The following HACD1 variants were observed in gnomAD, a reference collection of about 807,000 sequenced individuals.
HACD1 encodes the protein very-long-chain (3R)-3-hydroxyacyl-CoA dehydratase 1.
In HACD1, 41 loss-of-function variants were observed where a neutral mutation model predicts 32.0. That is an observed-to-expected ratio of 1.28 (90% CI 1.00 to 1.66). HACD1 has a LOEUF of 1.66. Among genes scored for constraint, HACD1 ranks in the 40% most tolerant of loss-of-function variants. HACD1 has a pLI of 0.00. For synonymous variants in HACD1, 142 were observed against 139.0 expected (o/e 1.02, Z -0.15); for missense variants, 396 against 380.1 (o/e 1.04, Z -0.35).
chr10:17,604,772 C>T (rs1834122639), intron 1 of HACD1, among the ~76,000 whole-genome samples: 1 of 152,230 alleles, frequency 6.6e-6, no homozygotes, highest in Non-Finnish European at 1.5e-5. Context: ...GTGGCGCAGT[C>T]TTGCCTCACT....
chr10:17,607,000 C>T (rs1198096524), intron 1 of HACD1, among the ~76,000 whole-genome samples: 16 of 152,166 alleles, frequency 1.1e-4, no homozygotes, highest in African/African-American at 3.9e-4. Flanking sequence ...AGCCACTATG[C>T]TGTGTCGGTC....
chr10:17,594,867 G>GTT (rs1179834368), intron 5 of HACD1, among the ~76,000 whole-genome samples: 1 of 139,706 alleles, frequency 7.2e-6, no homozygotes, highest in African/African-American at 2.7e-5. Flanking sequence ...TTTGTTTTTT[G>GTT]TTTTTTTTTG....
intron 1 of HACD1, among the ~76,000 whole-genome samples, chr10:17,608,614 G>A (rs575069906): frequency 1.3e-5 from 2 of 151,868 alleles, no homozygotes; most frequent in Non-Finnish European, 2.9e-5. Context: ...AGCCTCCCAA[G>A]TGGCTGGGAT....
chr10:17,595,277 C>T (rs1242952785), intron 5 of HACD1, among the ~76,000 whole-genome samples: 1 of 152,080 alleles, frequency 6.6e-6, no homozygotes, highest in African/African-American at 2.4e-5. Flanking sequence ...TTAAAAAGAC[C>T]AGTGATTATC....
chr10:17,592,063 C>G (rs1554815624), intron 6 of HACD1, among the ~76,000 whole-genome samples: 10 of 142,132 alleles, frequency 7.0e-5, no homozygotes, highest in Non-Finnish European at 1.5e-5. Flanking sequence ...CTCACTGCAA[C>G]CTCTGCCTCC....
chr10:17,613,543 C>T (rs1001100909), intron 1 of HACD1, among the ~76,000 whole-genome samples: 10 of 152,190 alleles, frequency 6.6e-5, no homozygotes, highest in African/African-American at 2.2e-4. Context: ...TGTCTACTCT[C>T]TATGTATGCA....
intron 1 of HACD1, among the ~76,000 whole-genome samples, chr10:17,614,473 T>C (rs1554817805): frequency 8.3e-6 from 1 of 120,182 alleles, no homozygotes; most frequent in African/African-American, 3.2e-5. Context: ...GCTAGGCTGG[T>C]CTCAGGCGAT....
rs777273964 is a variant in HACD1, at chr10:17,589,837, A to G, written c.*527T>C. Reference sequence around the variant, plus strand: ...GTTTTTATGCTGCTACTTTATCTACATCAAAAGTCTTACTTTAGCAAATTA... The same window carrying G: ...GTTTTTATGCTGCTACTTTATCTACGTCAAAAGTCTTACTTTAGCAAATTA... On this transcript the variant is annotated 3_prime_UTR_variant, in exon 7 of 7. Transcript: ENST00000361271. 3.9e-5 allele frequency: 6 copies of G among 152,064 alleles called. No homozygotes were observed. Among genetic ancestry groups the G allele is most frequent in the Non-Finnish European group, 7.4e-5 (5 of 68,026 alleles). 9.4% of individuals were successfully genotyped at this position (152,064 alleles called of 1,614,324 possible).
Position 17,603,989 on chromosome 10 carries a change from C to T in HACD1, c.316G>A (p.Gly106Ser). The change falls in exon 2 of 7, where the codon GGT becomes AGT. Residue 106 changes from glycine (G) to serine (S), a missense_variant. Gly to Ser is a moderately conservative substitution (Grantham distance 56, BLOSUM62 0). Coordinates refer to ENST00000361271, the MANE Select transcript of HACD1 (RefSeq NM_014241.4). The stretch of plus-strand genomic sequence containing the variant: ...GTCTTCTGAATACTTTTATATAAAC[C>T]TCTGTGTGTTCCTTTTTCCATATAA... ...RFYMEKGTHR[G>S]LYKSIQKTLK... 6.2e-7 allele frequency: 1 copy of T among 1,610,464 alleles called. No homozygotes were observed. Among genetic ancestry groups the T allele is most frequent in the Non-Finnish European group, 8.5e-7 (1 of 1,179,072 alleles).
chr10:17,591,712 T>G (rs1483787117), intron 6 of HACD1, among the ~76,000 whole-genome samples: 4 of 105,066 alleles, frequency 3.8e-5, no homozygotes, highest in African/African-American at 1.2e-4. Flanking sequence ...ATGATCAGAA[T>G]AATCAAACCA....
intron 6 of HACD1, among the ~76,000 whole-genome samples, chr10:17,591,094 C>A (rs2131500662): frequency 6.6e-6 from 1 of 152,242 alleles, no homozygotes; most frequent in African/African-American, 2.4e-5. Flanking sequence ...CAGAACATTC[C>A]AGCACAGGGA....
rs782729470 is a variant in HACD1, at chr10:17,617,247, G to C, written c.93C>G (p.Pro31=). ...TGGTGGCCGCGCACCTGGGGGACGTGGGAGACAGCGGCAGGAGCGTGGGAG... is the reference window on the plus strand; with the variant it reads ...TGGTGGCCGCGCACCTGGGGGACGTCGGAGACAGCGGCAGGAGCGTGGGAG... The part of the protein sequence containing the change: ...GSPPTLLPLS[P]TSPRCAATMA... The change falls in exon 1 of 7, where the codon CCC becomes CCG. Residue 31 remains proline, a synonymous_variant. Coordinates refer to ENST00000361271, the MANE Select transcript of HACD1 (RefSeq NM_014241.4). 4 of 1,480,996 alleles carry C rather than the reference G, an allele frequency of 2.7e-6. No individual in the cohort carries two copies. In the South Asian group the frequency reaches 5.1e-5, roughly 19 times the overall value. 91.7% of individuals were successfully genotyped at this position (1,480,996 alleles called of 1,614,324 possible). A position where few individuals can be genotyped will look rare whatever the true frequency, so the allele number is the denominator to read the frequency against.
In HACD1 at chr10:17,599,382, A is replaced by G; in HGVS notation, c.513T>C (p.Phe171=). The change falls in exon 5 of 7, where the codon TTT becomes TTC. Residue 171 remains phenylalanine (F), a synonymous_variant. Coordinates refer to ENST00000361271, the MANE Select transcript of HACD1 (RefSeq NM_014241.4). ...TCTCTGTCACAGTCCACGCGACCAGAAAAAGCACCACACTCTCTTCATTCT... is the reference window on the plus strand; with the variant it reads ...TCTCTGTCACAGTCCACGCGACCAGGAAAAGCACCACACTCTCTTCATTCT... ...PIQNEESVVL[F]LVAWTVTEIT... is the part of the protein sequence containing the mutation. 1 of 1,613,808 alleles carries G rather than the reference A, an allele frequency of 6.2e-7. No individual in the cohort carries two copies. The highest frequency in any genetic ancestry group is 1.1e-5 in the South Asian group (1 of 91,076).
At chr10:17,608,878 C>G (rs1834186801) in intron 1 of HACD1, among the ~76,000 whole-genome samples, 1 of 152,110 alleles carries the variant, frequency 6.6e-6, no homozygotes, top group African/African-American at 2.4e-5. Context: ...GTGAGTGCTT[C>G]AACTGATTGT....
At chr10:17,616,261 G>A (rs1188858750) in intron 1 of HACD1, among the ~76,000 whole-genome samples, 2 of 151,844 alleles carry the variant, frequency 1.3e-5, no homozygotes, top group Non-Finnish European at 2.9e-5. Context: ...GCGAGACTCC[G>A]TCTCAAAATA....
chr10:17,599,067 A>G, intron 5 of HACD1: 1 of 840,380 alleles, frequency 1.2e-6, no homozygotes, highest in East Asian at 3.9e-5. Flanking sequence ...AATTTGTCTC[A>G]CATTGATTTC....
intron 1 of HACD1, among the ~76,000 whole-genome samples, chr10:17,614,481 G>T (rs1380003096): frequency 8.3e-6 from 1 of 119,862 alleles, no homozygotes; most frequent in Non-Finnish European, 1.8e-5. Flanking sequence ...GGTCTCAGGC[G>T]ATCCACCCGC....
intron 1 of HACD1, among the ~76,000 whole-genome samples, chr10:17,613,422 A>G (rs1833021964): frequency 6.6e-6 from 1 of 152,110 alleles, no homozygotes; most frequent in Admixed American, 6.6e-5. Context: ...CAACACTACA[A>G]CTTCTTCAAC....
In HACD1 at chr10:17,589,263, A is replaced by T. The variant is rs1158731284; in HGVS notation, c.*1101T>A. 3.9e-5 allele frequency: 6 copies of T among 152,336 alleles called. No homozygotes were observed. Among genetic ancestry groups the T allele is most frequent in the Non-Finnish European group, 7.3e-5 (5 of 68,242 alleles). 9.4% of individuals were successfully genotyped at this position (152,336 alleles called of 1,614,324 possible). ...GTACAGCATGATCATCTTCCTCATC[A>T]TCGTTATCATCATCATCATCATCAT... On this transcript the variant is annotated 3_prime_UTR_variant, in exon 7 of 7. Coordinates refer to ENST00000361271, the MANE Select transcript of HACD1 (RefSeq NM_014241.4).
Sources: allele counts gnomAD v4.1 joint callset (sites outside exome capture counted in the v4.1 genomes callset), GRCh38; gene constraint gnomAD v4.1.1; transcripts MANE v1.5; gene names NCBI Gene and HGNC (gene_info 2026-07-23, HGNC 2026-07-21).